BIVM: variants seen among roughly 807,000 people sequenced by gnomAD.
The protein encoded by BIVM is basic, immunoglobulin-like variable motif containing.
Under a neutral mutation model 61.4 loss-of-function variants are expected in BIVM, and 31 were observed. That is an observed-to-expected ratio of 0.51 (90% CI 0.38 to 0.68). The LOEUF is 0.68. Ranked by LOEUF, BIVM falls within the 30% of genes least tolerant of loss-of-function variation. The pLI, the probability that BIVM is intolerant of heterozygous loss-of-function variation, is 0.00. For synonymous variants in BIVM, 189 were observed against 210.7 expected (o/e 0.90, Z 0.89); for missense variants, 526 against 596.0 (o/e 0.88, Z 1.22).
At position 102,807,645 on chromosome 13, in the gene BIVM, C is replaced by G; in HGVS notation, c.378C>G (p.Ser126Arg). Reference sequence around the variant, plus strand: ...AAATTATCTACAATGAAGAAAATAGCTTGGAAAACTTATCCAACAGCCTGG... The same window carrying G: ...AAATTATCTACAATGAAGAAAATAGGTTGGAAAACTTATCCAACAGCCTGG... ...TSEIIYNEEN[S>R]LENLSNSLGK... The change falls in exon 3 of 11, where the codon AGC (serine) becomes AGG (arginine). Residue 126 changes from serine to arginine, a missense_variant. Physicochemically the swap from Ser to Arg is moderately radical, Grantham distance 110 (BLOSUM62 -1). Around this residue, in one of 3 missense-constraint regions of BIVM, gnomAD observed 312 missense variants for 343.8 expected, o/e 0.91. Transcript: ENST00000257336. The surrounding 1 kb of genome is among the most constrained non-coding windows in gnomAD (Gnocchi z 4.0). The G allele has an allele frequency of 6.2e-7, 1 of 1,614,098 alleles. No individual in the cohort carries two copies. The highest frequency in any genetic ancestry group is 8.5e-7 in the Non-Finnish European group (1 of 1,180,042).
intron 4 of BIVM, among the ~76,000 whole-genome samples, chr13:102,817,681 TC>T (rs1264514710): frequency 1.3e-5 from 2 of 150,236 alleles, no homozygotes; most frequent in East Asian, 3.9e-4. Context: ...ATTTCAAAAT[TC>T]CAATTTTTTT....
At chr13:102,799,771 G>T (rs1325955192) in intron 1 of BIVM, among the ~76,000 whole-genome samples, 1 of 152,240 alleles carries the variant, frequency 6.6e-6, no homozygotes, top group Non-Finnish European at 1.5e-5. Flanking sequence ...AAGGAGTAGG[G>T]GGAAGAGCTG....
chr13:102,834,362 C>G (rs1881322093), intron 8 of BIVM, 104 bp from the exon 9 acceptor site: 1 of 1,118,696 alleles, frequency 8.9e-7, no homozygotes, highest in African/African-American at 1.7e-5. Context: ...TGAATGAATG[C>G]CAGGTTTGAA....
In BIVM at chr13:102,824,966, G is replaced by A. The variant is rs574688243; in HGVS notation, c.901+2807G>A. ...AATTAATTAATTTTTTTTTTGAGAC[G>A]GAGTCTCGCTCTGTTGCCCAGGCTG... On this transcript the variant is annotated intron_variant, in intron 7 of 10. Coordinates refer to ENST00000257336, the MANE Select transcript of BIVM (RefSeq NM_017693.4). 2.6e-3 allele frequency among the ~76,000 whole-genome samples: 386 copies of A among 150,206 alleles called. 1 individual carries two copies. Among genetic ancestry groups the A allele is most frequent in the Non-Finnish European group, 2.6e-3 (177 of 67,706 alleles).
At chr13:102,834,390 T>C (rs1456756676) in intron 8 of BIVM, 76 bp from the exon 9 acceptor site, 1 of 1,415,278 alleles carries the variant, frequency 7.1e-7, no homozygotes, top group African/African-American at 1.5e-5. Flanking sequence ...TAGTATGCCT[T>C]TTATTAATAT....
chr13:102,837,401 TTTTATGTC>T (rs1479922743), intron 9 of BIVM, among the ~76,000 whole-genome samples: 1 of 152,144 alleles, frequency 6.6e-6, no homozygotes, highest in African/African-American at 2.4e-5. Context: ...CAGTATGGAG[TTTTATGTC>T]TTTTATTAAA....
intron 1 of BIVM, among the ~76,000 whole-genome samples, chr13:102,801,934 T>C (rs185642778): frequency 3.3e-5 from 5 of 152,060 alleles, no homozygotes; most frequent in African/African-American, 7.2e-5. Context: ...GGAGACAGTA[T>C]TGGGAGAACC....
chr13:102,831,427 C>A, intron 7 of BIVM, 138 bp from the exon 8 acceptor site: 2 of 1,328,544 alleles, frequency 1.5e-6, no homozygotes, highest in Non-Finnish European at 1.0e-6. Context: ...CTATCAATAG[C>A]TTCTTGTTTT....
intron 2 of BIVM, among the ~76,000 whole-genome samples, chr13:102,806,581 G>A (rs1010953767): frequency 9.9e-5 from 15 of 152,136 alleles, no homozygotes; most frequent in African/African-American, 3.6e-4. Flanking sequence ...TTTTGGAGAA[G>A]ACACTATTCA....
chr13:102,824,580 T>C (rs1358098367), intron 7 of BIVM, among the ~76,000 whole-genome samples: 1 of 152,192 alleles, frequency 6.6e-6, no homozygotes, highest in Non-Finnish European at 1.5e-5. Flanking sequence ...CACATGGTTC[T>C]GGGGCAGTCA....
rs1190684011 is a variant in BIVM, at chr13:102,807,527, A to G, written c.260A>G (p.Asn87Ser). The change falls in exon 3 of 11, where the codon AAT becomes AGT. Residue 87 changes from asparagine to serine, a missense_variant. Coordinates refer to ENST00000257336, the MANE Select transcript of BIVM (RefSeq NM_017693.4). This position sits in a 1 kb window ranked among gnomAD's most constrained non-coding sequence, Gnocchi z 4.0. Reference protein sequence around the residue: ...NQATSIYKTPNPSRSPCLPDS... With the variant: ...NQATSIYKTPSPSRSPCLPDS... ...GCGACCTCAATCTATAAAACTCCAA[A>G]TCCATCCCGCTCTCCTTGCCTCCCT... 1 of 1,613,966 alleles carries G rather than the reference A, an allele frequency of 6.2e-7. No individual in the cohort carries two copies. The highest frequency in any genetic ancestry group is 1.3e-5 in the African/African-American group (1 of 74,884).
At chr13:102,801,927 G>C (rs1433192561) in intron 1 of BIVM, among the ~76,000 whole-genome samples, 1 of 152,130 alleles carries the variant, frequency 6.6e-6, no homozygotes, top group Non-Finnish European at 1.5e-5. Flanking sequence ...AAGTAAGGGA[G>C]ACAGTATTGG....
At chr13:102,822,479 C>G (rs565385611) in intron 7 of BIVM, among the ~76,000 whole-genome samples, 1 of 152,114 alleles carries the variant, frequency 6.6e-6, no homozygotes, top group African/African-American at 2.4e-5. Context: ...TGCGTGTGTA[C>G]GCGCACATGC....
chr13:102,800,204 A>G (rs1173079899), intron 1 of BIVM, among the ~76,000 whole-genome samples: 1 of 152,200 alleles, frequency 6.6e-6, no homozygotes, highest in Non-Finnish European at 1.5e-5. Flanking sequence ...AAACAGTCGA[A>G]TCGGAGCCCC....
intron 10 of BIVM, among the ~76,000 whole-genome samples, chr13:102,839,085 A>G (rs1450004461): frequency 1.3e-5 from 2 of 152,166 alleles, no homozygotes; most frequent in Admixed American, 1.3e-4. Context: ...TTTTAGATGA[A>G]CAGTCTAGAC....
In BIVM at chr13:102,839,833, C is replaced by G; in HGVS notation, c.1480C>G (p.Gln494Glu). The G allele has an allele frequency of 6.2e-7, 1 of 1,613,186 alleles. No homozygotes were observed. Among genetic ancestry groups the G allele is most frequent in the Non-Finnish European group, 8.5e-7 (1 of 1,179,930 alleles). Residue 494 changes from glutamine to glutamate, a missense_variant, in exon 11 of 11, where the codon CAG becomes GAG. By Grantham distance (29) the Gln-to-Glu change is conservative. Transcript: ENST00000257336. ...CCATGAGAGAAGGAACAGTGGTTAC[C>G]AGGGTTACAGTGATTACGATGGGAA... is the stretch of plus-strand genomic sequence containing the variant. ...SIHERRNSGY[Q>E]GYSDYDGND
Position 102,840,182 on chromosome 13 carries a change from G to C in BIVM, c.*317G>C, listed in dbSNP as rs1881734267. The stretch of plus-strand genomic sequence containing the variant: ...ACACAAATTCACTTAATAGCATCAA[G>C]ATTTGAAATACTTAAGCATGAAGTG... On this transcript the variant is annotated 3_prime_UTR_variant, in exon 11 of 11. Transcript: ENST00000257336. 1 of 216,524 alleles carries C rather than the reference G, an allele frequency of 4.6e-6. No individual in the cohort carries two copies. The highest frequency in any genetic ancestry group is 2.3e-5 in the African/African-American group (1 of 43,794). The allele number at this position is 216,524 out of a possible 1,614,324, so 13.4% of individuals were successfully genotyped here.
Position 102,840,941 on chromosome 13 carries a change from C to T in BIVM, c.*1076C>T, listed in dbSNP as rs989429768. On this transcript the variant is annotated 3_prime_UTR_variant, in exon 11 of 11. Coordinates refer to ENST00000257336, the MANE Select transcript of BIVM (RefSeq NM_017693.4). ...ATCTCCTGATATTTGATTGCTTTCT[C>T]AGTATGGAGTCATATGTTGATAACA... 6 of 152,436 alleles carry T rather than the reference C, an allele frequency of 3.9e-5. No individual in the cohort carries two copies. Among genetic ancestry groups the T allele is most frequent in the African/African-American group, 1.2e-4 (5 of 41,432 alleles). 9.4% of individuals were successfully genotyped at this position (152,436 alleles called of 1,614,324 possible). A position where few individuals can be genotyped will look rare whatever the true frequency, so the allele number is the denominator to read the frequency against.
At position 102,807,307 on chromosome 13, in the gene BIVM, G is replaced by A. The variant is rs745602925; in HGVS notation, c.40G>A (p.Gly14Arg). The change falls in exon 3 of 11, where the codon GGA (glycine) becomes AGA (arginine). Residue 14 changes from glycine (G) to arginine (R), a missense_variant. Transcript: ENST00000257336. This position sits in a 1 kb window ranked among gnomAD's most constrained non-coding sequence, Gnocchi z 4.0. ...VAETERSNDS[G>R]NGEHKSERKS... ...AGAAACAGAAAGGTCAAATGATTCT[G>A]GAAATGGTGAGCACAAATCTGAGAG... 28 of 1,612,942 alleles carry A rather than the reference G, an allele frequency of 1.7e-5. No homozygotes were observed. In the South Asian group the frequency reaches 3.1e-4, roughly 18 times the overall value.
Sources: gnomAD v4.1 joint callset for allele counts (sites outside exome capture counted in the v4.1 genomes callset) on GRCh38, gnomAD v4.1.1 for gene constraint, gnomAD v4.1.1 regional missense constraint, Gnocchi (gnomAD v3.1) non-coding constraint, MANE v1.5 for transcripts, NCBI Gene and HGNC (gene_info 2026-07-23, HGNC 2026-07-21) for gene names.